Variants in ROBO2 observed in about 807,000 individuals in gnomAD.
The protein encoded by ROBO2 is roundabout homolog 2.
In ROBO2, 53 loss-of-function variants were observed where a neutral mutation model predicts 160.8. That is an observed-to-expected ratio of 0.33 (90% CI 0.26 to 0.41). The LOEUF (loss-of-function observed/expected upper bound fraction) is 0.41. Among genes scored for constraint, ROBO2 ranks in the 10% least tolerant of loss-of-function variants. The probability of loss-of-function intolerance (pLI) is 1.00; values close to 1 mark genes in which losing one functional copy is unlikely to be tolerated. For synonymous variants in ROBO2, 664 were observed against 611.7 expected (o/e 1.09, Z -1.26); for missense variants, 1,577 against 1,722.4 (o/e 0.92, Z 1.49).
intron 2 of ROBO2, among the ~76,000 whole-genome samples, chr3:76,385,778 G>C (rs1407386450): frequency 6.6e-6 from 1 of 151,920 alleles, no homozygotes; most frequent in Non-Finnish European, 1.5e-5. Context: ...TGTGTAGAAA[G>C]AGTGGCAAAA....
intron 2 of ROBO2, among the ~76,000 whole-genome samples, chr3:76,454,251 A>T (rs2077630764): frequency 6.6e-6 from 1 of 152,196 alleles, no homozygotes; most frequent in African/African-American, 2.4e-5. Context: ...GTGCTAACTG[A>T]AAAGTGGAAA....
intron 2 of ROBO2, among the ~76,000 whole-genome samples, chr3:76,111,462 A>T (rs2070228078): frequency 6.6e-6 from 1 of 152,024 alleles, no homozygotes; most frequent in Non-Finnish European, 1.5e-5. Context: ...TCACTTTGTG[A>T]GGGCAGCCCT....
chr3:76,012,876 G>A (rs994415325), intron 2 of ROBO2, among the ~76,000 whole-genome samples: 1 of 151,470 alleles, frequency 6.6e-6, no homozygotes, highest in Non-Finnish European at 1.5e-5. Flanking sequence ...GCTTATGCAT[G>A]TAATCCCAGA....
At chr3:76,084,215 C>T (rs1270679605) in intron 2 of ROBO2, among the ~76,000 whole-genome samples, 1 of 151,926 alleles carries the variant, frequency 6.6e-6, no homozygotes, top group Non-Finnish European at 1.5e-5. Flanking sequence ...AACAAAGAAG[C>T]AAAAAGAAAA....
chr3:76,688,547 G>GA (rs2092731231), intron 2 of ROBO2, among the ~76,000 whole-genome samples: 1 of 151,548 alleles, frequency 6.6e-6, no homozygotes, highest in African/African-American at 2.4e-5. Flanking sequence ...GCACTAGTGA[G>GA]AAAAAGGAAG....
intron 2 of ROBO2, among the ~76,000 whole-genome samples, chr3:76,620,665 A>G (rs2088993339): frequency 6.6e-6 from 1 of 152,182 alleles, no homozygotes; most frequent in African/African-American, 2.4e-5. Flanking sequence ...TAATACATAT[A>G]GTTTATATGT....
chr3:77,642,944 G>T lies in ROBO2; in HGVS notation c.3935-1760G>T, dbSNP rs1158560520. ...CCACACAAACAAGGTGTCGGATCAGGTGTGTTCTGCACAGTCCCAAGAAAG... is the reference window on the plus strand; with the variant it reads ...CCACACAAACAAGGTGTCGGATCAGTTGTGTTCTGCACAGTCCCAAGAAAG... On this transcript the variant is annotated intron_variant, in intron 24 of 25. Coordinates refer to ENST00000461745, the Ensembl canonical transcript of ROBO2. 3 of 456,496 alleles carry T rather than the reference G, an allele frequency of 6.6e-6. No individual in the cohort carries two copies. In the East Asian group the frequency reaches 2.1e-4, roughly 32 times the overall value. The allele number at this position is 456,496 out of a possible 1,614,324, so 28.3% of individuals were successfully genotyped here. A position where few individuals can be genotyped will look rare whatever the true frequency, so the allele number is the denominator to read the frequency against.
chr3:76,775,631 G>T, intron 2 of ROBO2, among the ~76,000 whole-genome samples: 1 of 150,552 alleles, frequency 6.6e-6, no homozygotes, highest in East Asian at 2.0e-4. Context: ...TATTTCTTTA[G>T]AATCAATTCA....
intron 2 of ROBO2, chr3:76,434,745 G>A: frequency 8.8e-7 from 1 of 1,139,592 alleles, no homozygotes; most frequent in Non-Finnish European, 1.3e-6. Context: ...TTGAGGCTCA[G>A]ATGAGTCCGC....
At chr3:77,425,792 T>A (rs1001209502) in intron 2 of ROBO2, among the ~76,000 whole-genome samples, 1 of 151,592 alleles carries the variant, frequency 6.6e-6, no homozygotes, top group African/African-American at 2.4e-5. Context: ...GCTTCTCGAG[T>A]AGCTGGAATT....
At chr3:76,526,473 G>A (rs143262779) in intron 2 of ROBO2, among the ~76,000 whole-genome samples, 1 of 152,076 alleles carries the variant, frequency 6.6e-6, no homozygotes, top group East Asian at 1.9e-4. Flanking sequence ...GATTCTATAT[G>A]ATTTTGTTGT....
intron 2 of ROBO2, among the ~76,000 whole-genome samples, chr3:76,934,188 G>C (rs984430131): frequency 1.4e-5 from 2 of 145,452 alleles, no homozygotes; most frequent in Non-Finnish European, 3.0e-5. Flanking sequence ...AGTGACTTGT[G>C]TATGACATGA....
intron 2 of ROBO2, among the ~76,000 whole-genome samples, chr3:75,968,491 T>C (rs2064879961): frequency 6.6e-6 from 1 of 151,624 alleles, no homozygotes; most frequent in South Asian, 2.1e-4. Flanking sequence ...ATTTTCATGG[T>C]ACATATTTAA....
At chr3:76,394,795 A>T (rs751776985) in intron 2 of ROBO2, among the ~76,000 whole-genome samples, 22 of 152,126 alleles carry the variant, frequency 1.4e-4, no homozygotes, top group Non-Finnish European at 2.6e-4. Context: ...ATATATATGC[A>T]CCCAATACAG....
At chr3:76,395,537 G>T (rs1176082442) in intron 2 of ROBO2, among the ~76,000 whole-genome samples, 1 of 148,334 alleles carries the variant, frequency 6.7e-6, no homozygotes, top group Admixed American at 6.7e-5. Flanking sequence ...CCAGGAGCTG[G>T]TTTTTTGAAA....
At chr3:77,469,732 A>G (rs186737382) in intron 2 of ROBO2, among the ~76,000 whole-genome samples, 1 of 152,278 alleles carries the variant, frequency 6.6e-6, no homozygotes, top group East Asian at 1.9e-4. Flanking sequence ...TATTTCTTAA[A>G]TCCAAACAAT....
chr3:76,404,704 G>T (rs147869387), intron 2 of ROBO2, among the ~76,000 whole-genome samples: 2 of 151,468 alleles, frequency 1.3e-5, no homozygotes, highest in Non-Finnish European at 3.0e-5. Context: ...AAATGCAGGC[G>T]TGTGGGTTGG....
At chr3:77,131,530 A>T (rs1267928869) in intron 2 of ROBO2, among the ~76,000 whole-genome samples, 1 of 152,212 alleles carries the variant, frequency 6.6e-6, no homozygotes, top group Non-Finnish European at 1.5e-5. Context: ...AACAAAAATC[A>T]ATAGTAAAAA....
intron 2 of ROBO2, among the ~76,000 whole-genome samples, chr3:76,588,143 A>G (rs1268426799): frequency 6.6e-6 from 1 of 152,196 alleles, no homozygotes; most frequent in East Asian, 1.9e-4. Flanking sequence ...TCCAGATTAC[A>G]TTGTCTTTCT....
Sources: allele counts gnomAD v4.1 joint callset (sites outside exome capture counted in the v4.1 genomes callset), GRCh38; gene constraint gnomAD v4.1.1; transcripts MANE v1.5; gene names NCBI Gene and HGNC (gene_info 2026-07-23, HGNC 2026-07-21).